Variants in LRRFIP2 observed in about 807,000 individuals in gnomAD.
LRRFIP2 encodes LRR binding FLII interacting protein 2.
LRRFIP2 carries 109 observed loss-of-function variants against 125.9 expected under a neutral mutation model. That is an observed-to-expected ratio of 0.87 (90% confidence interval 0.74 to 1.01). LRRFIP2 has a LOEUF of 1.01. Ranked by LOEUF, LRRFIP2 falls within the 50% of genes least tolerant of loss-of-function variation. The pLI is 0.00. For missense variants in LRRFIP2, 850 were observed against 862.3 expected, an observed-to-expected ratio of 0.99 and a Z score of 0.18; for synonymous variants, 291 against 293.1, an observed-to-expected ratio of 0.99 and a Z score of 0.07.
chr3:37,169,824 G>A (rs1325565768), intron 1 of LRRFIP2, among the ~76,000 whole-genome samples: 3 of 152,178 alleles, frequency 2.0e-5, no homozygotes, highest in Non-Finnish European at 2.9e-5. Context: ...AATGGAAAAA[G>A]ATAATCCATG....
intron 1 of LRRFIP2, among the ~76,000 whole-genome samples, chr3:37,161,158 A>T (rs999808306): frequency 3.5e-5 from 5 of 142,450 alleles, no homozygotes; most frequent in Middle Eastern, 7.2e-3. Flanking sequence ...AGCCTGGTCA[A>T]CATGGTGAAA....
At chr3:37,151,709 T>C (rs975625868) in intron 1 of LRRFIP2, among the ~76,000 whole-genome samples, 10 of 151,988 alleles carry the variant, frequency 6.6e-5, no homozygotes, top group African/African-American at 1.9e-4. Context: ...GCAATTCTCC[T>C]GCCTCAGCTT....
rs561609339 is a variant in LRRFIP2 at position 37,136,461 on chromosome 3, T to G, written c.91-7312A>C. Among the ~76,000 whole-genome samples the G allele has an allele frequency of 3.4e-4, 52 of 152,284 alleles. No homozygotes were observed. The South Asian group carries it at 0.011, about 31-fold the overall frequency. On this transcript the variant is annotated intron_variant, in intron 2 of 27. Transcript: ENST00000336686. ...TGAATTATATCTCAATTTAAATTTTTTAAATAGATGAGACTGAATGCATCA... is the reference window on the plus strand; with the variant it reads ...TGAATTATATCTCAATTTAAATTTTGTAAATAGATGAGACTGAATGCATCA...
Position 37,063,842 on chromosome 3 carries a change from TAAAC to T in LRRFIP2, c.1700-55_1700-52del, listed in dbSNP as rs2089444058. 9 of 1,387,134 alleles carry T rather than the reference TAAAC, an allele frequency of 6.5e-6. 1 individual carries two copies. Among genetic ancestry groups the T allele is most frequent in the South Asian group, 2.4e-5 (2 of 83,776 alleles). The allele number at this position is 1,387,134 out of a possible 1,614,324, so 85.9% of individuals were successfully genotyped here. A position where few individuals can be genotyped will look rare whatever the true frequency, so the allele number is the denominator to read the frequency against. On this transcript the variant is annotated intron_variant, in intron 23 of 27. Coordinates refer to ENST00000336686, the MANE Select transcript of LRRFIP2 (RefSeq NM_006309.4). Reference sequence around the variant, plus strand: ...ACTAAATATGTGATGATATAGTACATAAACAATTAAAAATTTTTCAAACTCATAA... The same window carrying T: ...ACTAAATATGTGATGATATAGTACATAATTAAAAATTTTTCAAACTCATAA...
chr3:37,068,326 ACCT>A (rs2090531035), intron 21 of LRRFIP2: 1 of 152,220 alleles, frequency 6.6e-6, no homozygotes, highest in East Asian at 1.9e-4. Context: ...AATAAAAAAG[ACCT>A]CTGAGGAACA....
At chr3:37,083,937 C>T (rs2092841011) in intron 18 of LRRFIP2, 131 bp from the exon 19 acceptor site, 1 of 632,348 alleles carries the variant, frequency 1.6e-6, no homozygotes, top group Admixed American at 4.0e-5. Context: ...GTTTGGGGAA[C>T]TCCTTGTTTA....
intron 1 of LRRFIP2, among the ~76,000 whole-genome samples, chr3:37,149,968 T>C (rs1416452165): frequency 6.6e-6 from 1 of 151,448 alleles, no homozygotes; most frequent in Admixed American, 6.6e-5. Flanking sequence ...GCCACTGGAC[T>C]CCAGCCTGGG....
chr3:37,168,395 A>T (rs1435475553), intron 1 of LRRFIP2, among the ~76,000 whole-genome samples: 2 of 152,246 alleles, frequency 1.3e-5, no homozygotes, highest in African/African-American at 4.8e-5. Context: ...AATCTTGAAG[A>T]CATCATGCTA....
At chr3:37,071,466 G>A (rs149015452) in intron 21 of LRRFIP2, among the ~76,000 whole-genome samples, 208 of 148,536 alleles carry the variant, frequency 1.4e-3, no homozygotes, top group Middle Eastern at 3.4e-3. Context: ...CTGGCCTCAA[G>A]CGATCCTCCG....
Position 37,103,024 on chromosome 3 carries a change from G to GAA in LRRFIP2, c.784-13_784-12dup. 1 of 1,521,664 alleles carries GAA rather than the reference G, an allele frequency of 6.6e-7. No individual in the cohort carries two copies. Among genetic ancestry groups the GAA allele is most frequent in the Non-Finnish European group, 8.9e-7 (1 of 1,127,302 alleles). The allele number at this position is 1,521,664 out of a possible 1,614,324, so 94.3% of individuals were successfully genotyped here. On this transcript the variant is annotated splice_polypyrimidine_tract_variant and intron_variant, in intron 14 of 27. Transcript: ENST00000336686. ...ATCAGCGGCAGATACCTTTCGGTCAGAAAAAAAACAAGATGCTTTCAAGGT... is the reference window on the plus strand; with the variant it reads ...ATCAGCGGCAGATACCTTTCGGTCAGAAAAAAAAAACAAGATGCTTTCAAGGT...
At chr3:37,095,929 G>A (rs1444540758) in intron 16 of LRRFIP2, among the ~76,000 whole-genome samples, 1 of 152,186 alleles carries the variant, frequency 6.6e-6, no homozygotes, top group Admixed American at 6.5e-5. Context: ...TTACAGGCAT[G>A]AGCTACCTAG....
At position 37,072,849 on chromosome 3, in the gene LRRFIP2, T is replaced by C. The variant is rs757753337; in HGVS notation, c.1405A>G (p.Met469Val). 4 of 1,613,144 alleles carry C rather than the reference T, an allele frequency of 2.5e-6. No individual in the cohort carries two copies. The highest frequency in any genetic ancestry group is 3.3e-5 in the Admixed American group (2 of 59,932). Residue 469 changes from methionine (M) to valine (V), a missense_variant, in exon 21 of 28, where the codon ATG (methionine) becomes GTG (valine). Coordinates refer to ENST00000336686, the MANE Select transcript of LRRFIP2 (RefSeq NM_006309.4). ...TGGAGGTCAAACACCTCTTTTGTCA[T>C]GGTGTCTATTTTCTGCTGCATGCGC... is the stretch of plus-strand genomic sequence containing the variant. ...KQRMQQKIDT[M>V]TKEVFDLQET... is the part of the protein sequence containing the mutation.
intron 1 of LRRFIP2, among the ~76,000 whole-genome samples, chr3:37,149,378 A>G (rs115377213): frequency 2.6e-4 from 39 of 152,180 alleles, no homozygotes; most frequent in Admixed American, 7.8e-4. Flanking sequence ...TTAGCCGAGC[A>G]GGGTGGTGCA....
intron 19 of LRRFIP2, among the ~76,000 whole-genome samples, chr3:37,080,945 T>G (rs2092589726): frequency 1.3e-5 from 2 of 152,188 alleles, no homozygotes; most frequent in Admixed American, 6.5e-5. Flanking sequence ...TATGAATTAT[T>G]GTTAATTTTA....
chr3:37,096,758 G>A, intron 15 of LRRFIP2, 98 bp from the exon 16 acceptor site: 1 of 615,702 alleles, frequency 1.6e-6, no homozygotes, highest in Non-Finnish European at 2.9e-6. Context: ...GTTCAATGAT[G>A]TTTGAAGCCT....
Position 37,111,085 on chromosome 3 carries a change from A to G in LRRFIP2, c.439-20T>C, listed in dbSNP as rs2094531126. 2 of 1,605,874 alleles carry G rather than the reference A, an allele frequency of 1.2e-6. No homozygotes were observed. Among genetic ancestry groups the G allele is most frequent in the Non-Finnish European group, 1.7e-6 (2 of 1,173,426 alleles). On this transcript the variant is annotated intron_variant, in intron 8 of 27. Coordinates refer to ENST00000336686, the MANE Select transcript of LRRFIP2 (RefSeq NM_006309.4). The stretch of plus-strand genomic sequence containing the variant: ...GCCACTCTGCAAAAAGCAAAATTAA[A>G]CACATTTTTCTTAGGCTAAATGTTA...
At chr3:37,153,854 A>C (rs2096101757) in intron 1 of LRRFIP2, among the ~76,000 whole-genome samples, 1 of 152,112 alleles carries the variant, frequency 6.6e-6, no homozygotes, top group Non-Finnish European at 1.5e-5. Context: ...AGGTCCAGTT[A>C]CCTTTTTCAG....
chr3:37,151,476 T>C (rs1396459752), intron 1 of LRRFIP2, among the ~76,000 whole-genome samples: 1 of 152,170 alleles, frequency 6.6e-6, no homozygotes, highest in Non-Finnish European at 1.5e-5. Flanking sequence ...AGTTCTCTAA[T>C]CATCTTCAGC....
chr3:37,063,396 C>T lies in LRRFIP2; in HGVS notation c.1749+346G>A, dbSNP rs146071461. On this transcript the variant is annotated intron_variant, in intron 24 of 27. Transcript: ENST00000336686. ...CTGAAGCAGAACAATCAAGATGCAA[C>T]ATAAGTATGTTATACAGAGATACAA... Among the ~76,000 whole-genome samples, 70 of 152,262 alleles carry T rather than the reference C, an allele frequency of 4.6e-4. 1 individual carries two copies. Among genetic ancestry groups the T allele is most frequent in the Admixed American group, 3.7e-3 (56 of 15,302 alleles).
Sources: allele counts gnomAD v4.1 joint callset (sites outside exome capture counted in the v4.1 genomes callset), GRCh38; gene constraint gnomAD v4.1.1; transcripts MANE v1.5; gene names NCBI Gene and HGNC (gene_info 2026-07-23, HGNC 2026-07-21).